Variants in DCC observed in about 807,000 individuals in gnomAD.
The protein encoded by DCC is netrin receptor DCC.
DCC carries 58 observed loss-of-function variants against 172.5 expected under a neutral mutation model. That is an observed-to-expected ratio of 0.34 (90% CI 0.27 to 0.42). The LOEUF (loss-of-function observed/expected upper bound fraction) is 0.42. Ranked by LOEUF, DCC falls within the 10% of genes least tolerant of loss-of-function variation. DCC has a pLI of 1.00. For synonymous variants in DCC, 709 were observed against 644.5 expected, an observed-to-expected ratio of 1.10 and a Z score of -1.52; for missense variants, 1,740 against 1,791.0, an observed-to-expected ratio of 0.97 and a Z score of 0.51.
At chr18:53,355,783 C>T (rs1367854119) in intron 15 of DCC, among the ~76,000 whole-genome samples, 1 of 152,010 alleles carries the variant, frequency 6.6e-6, no homozygotes, top group Non-Finnish European at 1.5e-5. Context: ...GCCTGGCACT[C>T]GTTCTTATTT....
chr18:52,629,228 T>G (rs1230259659), intron 1 of DCC, among the ~76,000 whole-genome samples: 2 of 152,244 alleles, frequency 1.3e-5, no homozygotes, highest in African/African-American at 2.4e-5. Context: ...CTTCTGGCTC[T>G]TTTCTTATAA....
chr18:52,727,477 C>A (rs1375098566), intron 1 of DCC, among the ~76,000 whole-genome samples: 1 of 152,066 alleles, frequency 6.6e-6, no homozygotes, highest in Non-Finnish European at 1.5e-5. Flanking sequence ...TTTTCCTTTT[C>A]TTATTTGCTT....
intron 8 of DCC, among the ~76,000 whole-genome samples, chr18:53,163,909 G>A (rs1170921260): frequency 1.3e-5 from 2 of 152,104 alleles, no homozygotes; most frequent in Non-Finnish European, 2.9e-5. Context: ...GCATTTATTG[G>A]GCACTTACTC....
intron 8 of DCC, among the ~76,000 whole-genome samples, chr18:53,172,362 A>ACTATACTTACTACCTGGT (rs558727821): frequency 0.016 from 2,481 of 152,216 alleles, 79 homozygotes; most frequent in African/African-American, 0.057. Flanking sequence ...ACTGTTGCGT[A>ACTATACTTACTACCTGGT]CTATACTTAC....
intron 21 of DCC, among the ~76,000 whole-genome samples, chr18:53,422,215 C>T (rs34753688): frequency 0.034 from 5,142 of 152,254 alleles, 204 homozygotes; most frequent in East Asian, 0.17. Context: ...CTGGAAGACA[C>T]TACCAGCACC....
intron 1 of DCC, among the ~76,000 whole-genome samples, chr18:52,404,371 G>A (rs778875890): frequency 2.0e-5 from 3 of 152,020 alleles, no homozygotes; most frequent in Non-Finnish European, 4.4e-5. Flanking sequence ...CTTAGATGGC[G>A]AGCATCTGAC....
intron 23 of DCC, among the ~76,000 whole-genome samples, chr18:53,458,191 G>A (rs1290627086): frequency 6.6e-6 from 1 of 152,116 alleles, no homozygotes; most frequent in Non-Finnish European, 1.5e-5. Context: ...TCTTACAAGA[G>A]ACATTATTTT....
At chr18:53,211,596 C>A (rs554755963) in intron 11 of DCC, among the ~76,000 whole-genome samples, 11 of 152,028 alleles carry the variant, frequency 7.2e-5, no homozygotes, top group African/African-American at 2.4e-4. Context: ...TGGTGGCGGG[C>A]GCCTGTAGTC....
intron 1 of DCC, among the ~76,000 whole-genome samples, chr18:52,700,206 ACATG>A (rs1384734315): frequency 2.0e-5 from 1 of 50,672 alleles, no homozygotes; most frequent in Admixed American, 1.9e-4. Flanking sequence ...GCACATACAC[ACATG>A]CACATGTGCA....
chr18:52,652,534 A>G (rs1160101573), intron 1 of DCC, among the ~76,000 whole-genome samples: 2 of 152,138 alleles, frequency 1.3e-5, no homozygotes, highest in African/African-American at 4.8e-5. Flanking sequence ...CTCTAATAAC[A>G]TGGGACAGTA....
intron 1 of DCC, among the ~76,000 whole-genome samples, chr18:52,671,271 G>T (rs909899660): frequency 1.4e-4 from 21 of 152,080 alleles, no homozygotes; most frequent in Middle Eastern, 3.4e-3. Context: ...CACCAATTGA[G>T]AGAGAATAAC....
Position 53,499,427 on chromosome 18 carries a change from G to A in DCC, c.4028G>A (p.Arg1343His), listed in dbSNP as rs149118168. 360 of 1,613,924 alleles carry A rather than the reference G, an allele frequency of 2.2e-4. No individual in the cohort carries two copies. The highest frequency in any genetic ancestry group is 3.6e-4 in the East Asian group (16 of 44,884). ...TGTGTTCGACCAACTCACCCACTCC[G>A]CAGCTTTGCTAATCCTTTGCTACCT... Reference protein sequence around the residue: ...TACVRPTHPLRSFANPLLPPP... With the variant: ...TACVRPTHPLHSFANPLLPPP... Residue 1343 changes from arginine (R) to histidine (H), a missense_variant, in exon 27 of 29, where the codon CGC becomes CAC. Physicochemically the swap from Arg to His is conservative, Grantham distance 29 (BLOSUM62 0). Coordinates refer to ENST00000442544, the MANE Select transcript of DCC (RefSeq NM_005215.4).
At chr18:52,880,444 C>T (rs764536348) in intron 2 of DCC, among the ~76,000 whole-genome samples, 3 of 152,096 alleles carry the variant, frequency 2.0e-5, no homozygotes, top group South Asian at 2.1e-4. Flanking sequence ...CCACCTTGCC[C>T]GGCCTTATTC....
Position 53,397,269 on chromosome 18 carries a change from G to A in DCC, c.2689-39G>A, listed in dbSNP as rs747759661. On this transcript the variant is annotated intron_variant, in intron 17 of 28. Transcript: ENST00000442544. The stretch of plus-strand genomic sequence containing the variant: ...TGTCTTGATTTACCAAGTTGATAGA[G>A]TTTATTTTTTATCTCTTTGCTATTT... The A allele has an allele frequency of 4.4e-6, 7 of 1,594,260 alleles. No individual in the cohort carries two copies. In the East Asian group the frequency reaches 1.6e-4, roughly 36 times the overall value.
chr18:52,699,713 T>A (rs914623800), intron 1 of DCC, among the ~76,000 whole-genome samples: 5 of 152,198 alleles, frequency 3.3e-5, no homozygotes, highest in African/African-American at 9.6e-5. Context: ...CATACCTTTT[T>A]AACTTTTGTT....
chr18:52,809,577 T>G lies in DCC; in HGVS notation c.412+57203T>G, dbSNP rs577682632. ...CATATCGGGAGTGGCAATGGGCGAC[T>G]TGCTGGATCAGGAGTGCAGCGAACA... On this transcript the variant is annotated intron_variant, in intron 2 of 28. Coordinates refer to ENST00000442544, the MANE Select transcript of DCC (RefSeq NM_005215.4). Among the ~76,000 whole-genome samples, 110 of 152,288 alleles carry G rather than the reference T, an allele frequency of 7.2e-4. 2 individuals carry two copies. In the South Asian group the frequency reaches 0.022, roughly 31 times the overall value.
chr18:53,339,929 T>A (rs199788541), intron 15 of DCC, 22 bp downstream of exon 15: 42 of 1,597,844 alleles, frequency 2.6e-5, no homozygotes, highest in East Asian at 1.6e-4. Flanking sequence ...TGATTTTTTT[T>A]ATTCTATTAA....
intron 7 of DCC, among the ~76,000 whole-genome samples, chr18:53,114,089 G>A (rs148426235): frequency 6.2e-4 from 94 of 151,534 alleles, no homozygotes; most frequent in Middle Eastern, 3.4e-3. Flanking sequence ...TAGCCCTCTG[G>A]AAATTGGTAT....
chr18:53,222,376 CTTTTTTCTTTT>C (rs2055950835), intron 12 of DCC, among the ~76,000 whole-genome samples: 1 of 98,572 alleles, frequency 1.0e-5, no homozygotes, highest in African/African-American at 5.8e-5. Context: ...TTTTCTTTTT[CTTTTTTCTTTT>C]TTTTTTTTTT....
Sources: allele counts gnomAD v4.1 joint callset (sites outside exome capture counted in the v4.1 genomes callset), GRCh38; gene constraint gnomAD v4.1.1; transcripts MANE v1.5; gene names NCBI Gene and HGNC (gene_info 2026-07-23, HGNC 2026-07-21).